Variants in ZNF76 observed in about 807,000 individuals in gnomAD.
The protein encoded by ZNF76 is zinc finger protein 523.
Under a neutral mutation model 66.9 loss-of-function variants are expected in ZNF76, and 66 were observed. The observed-to-expected ratio is 0.99, with a 90% CI of 0.81 to 1.21. ZNF76 has a LOEUF of 1.21. Among genes scored for constraint, ZNF76 ranks in the 50% most tolerant of loss-of-function variants. The pLI is 0.00. For missense variants in ZNF76, 729 were observed against 760.3 expected (o/e 0.96, Z 0.48); for synonymous variants, 275 against 296.1 (o/e 0.93, Z 0.73).
In ZNF76 at chr6:35,291,342, G is replaced by A. The variant is rs1345425915; in HGVS notation, c.690G>A (p.Glu230=). ...AGAAACCATACAAGTGCCCAGAGGA[G>A]CTGTGCAGCAAGGCCTTCAAGACCT... The part of the protein sequence containing the change: ...TGEKPYKCPE[E]LCSKAFKTSG... The change falls in exon 8 of 14, where the codon GAG becomes GAA. Residue 230 remains glutamate (E), a synonymous_variant. Transcript: ENST00000373953. The A allele has an allele frequency of 6.2e-7, 1 of 1,614,018 alleles. No individual in the cohort carries two copies.
rs1002528146 is a variant in ZNF76, at chr6:35,295,449, G to T, written c.*201G>T. The T allele has an allele frequency of 2.3e-5, 14 of 620,136 alleles. No individual in the cohort carries two copies. The highest frequency in any genetic ancestry group is 2.2e-4 in the African/African-American group (12 of 55,454). The allele number at this position is 620,136 out of a possible 1,614,324, so 38.4% of individuals were successfully genotyped here. A position where few individuals can be genotyped will look rare whatever the true frequency, so the allele number is the denominator to read the frequency against. ...GGGGGCCAGGCAGCTGGAATCAGGG[G>T]AGTGCATCATCCTCGGGAGCTGACA... is the stretch of plus-strand genomic sequence containing the variant. On this transcript the variant is annotated 3_prime_UTR_variant, in exon 14 of 14. Coordinates refer to ENST00000373953, the MANE Select transcript of ZNF76 (RefSeq NM_003427.5).
chr6:35,277,284 C>A (rs1788057464), intron 1 of ZNF76, among the ~76,000 whole-genome samples: 1 of 152,128 alleles, frequency 6.6e-6, no homozygotes, highest in South Asian at 2.1e-4. Context: ...GGGCTCTGGG[C>A]AAGGATGCTA....
At chr6:35,281,279 G>A in intron 2 of ZNF76, 55 bp downstream of exon 2, 1 of 1,558,848 alleles carries the variant, frequency 6.4e-7, no homozygotes, top group Non-Finnish European at 8.8e-7. Context: ...CTCTGGAAAG[G>A]AGTGTCCATT....
rs1167913283 is a variant in ZNF76 at position 35,259,771 on chromosome 6, T to G, written c.-167T>G. ...GGCGGGCTATGGCGCAGGCGGGTTG[T>G]GGGGCCGGCGCTGGTGGCGGGGCCC... On this transcript the variant is annotated 5_prime_UTR_variant, in exon 1 of 14. Coordinates refer to ENST00000373953, the MANE Select transcript of ZNF76 (RefSeq NM_003427.5). The G allele has an allele frequency of 1.3e-5, 2 of 152,406 alleles. No individual in the cohort carries two copies. The highest frequency in any genetic ancestry group is 2.9e-5 in the Non-Finnish European group (2 of 68,316). 9.4% of individuals were successfully genotyped at this position (152,406 alleles called of 1,614,324 possible).
chr6:35,278,017 C>T (rs1034255204), intron 1 of ZNF76, among the ~76,000 whole-genome samples: 2 of 151,940 alleles, frequency 1.3e-5, no homozygotes, highest in South Asian at 2.1e-4. Context: ...CCTCCACGCC[C>T]GGCTAATTTT....
chr6:35,267,749 A>G (rs999086409), intron 1 of ZNF76, among the ~76,000 whole-genome samples: 2 of 152,200 alleles, frequency 1.3e-5, no homozygotes, highest in Non-Finnish European at 2.9e-5. Context: ...AGCCAGGGAA[A>G]GCTTGTTCCT....
At position 35,292,668 on chromosome 6, in the gene ZNF76, C is replaced by T. The variant is rs1205924067; in HGVS notation, c.1046C>T (p.Thr349Ile). ...CACTGCAAGCCCTACACCTGCAGCA[C>T]CTGCGGCAAGACCTACCGGCAGACC... Reference protein sequence around the residue: ...HTHCKPYTCSTCGKTYRQTST... With the variant: ...HTHCKPYTCSICGKTYRQTST... The change falls in exon 10 of 14, where the codon ACC becomes ATC. Residue 349 changes from threonine (T) to isoleucine (I), a missense_variant. By Grantham distance (89) the Thr-to-Ile change is moderately conservative. Coordinates refer to ENST00000373953, the MANE Select transcript of ZNF76 (RefSeq NM_003427.5). The surrounding 1 kb of genome is among the most constrained non-coding windows in gnomAD (Gnocchi z 4.7). 3 of 1,614,060 alleles carry T rather than the reference C, an allele frequency of 1.9e-6. No homozygotes were observed. Among genetic ancestry groups the T allele is most frequent in the African/African-American group, 2.7e-5 (2 of 74,926 alleles).
chr6:35,293,499 C>T lies in ZNF76; in HGVS notation c.1330-252C>T, dbSNP rs537603478. Among the ~76,000 whole-genome samples the T allele has an allele frequency of 2.0e-5, 3 of 152,232 alleles. No individual in the cohort carries two copies. The East Asian group carries it at 5.8e-4, about 29-fold the overall frequency. On this transcript the variant is annotated intron_variant, in intron 11 of 13. Transcript: ENST00000373953. ...GAGTTGTTAGGACACAATCAGGTGG[C>T]GACCCTGAGCTGGATACAACAGGGC...
At chr6:35,268,449 C>T (rs541392269) in intron 1 of ZNF76, among the ~76,000 whole-genome samples, 28 of 152,104 alleles carry the variant, frequency 1.8e-4, no homozygotes, top group Admixed American at 3.3e-4. Flanking sequence ...ACATCTACCA[C>T]GTAATGGAAT....
At chr6:35,259,552 C>T (rs556213983), upstream of ZNF76, 3 of 152,366 alleles carry the variant, frequency 2.0e-5, no homozygotes, top group South Asian at 2.1e-4. Context: ...GGTTCAGATC[C>T]CGGCCGCCTG....
intron 12 of ZNF76, 141 bp downstream of exon 12, chr6:35,294,056 C>G (rs949510523): frequency 5.0e-6 from 5 of 1,005,642 alleles, no homozygotes; most frequent in Non-Finnish European, 5.7e-6. Flanking sequence ...CCCCACAGTT[C>G]CTGGGCCATG....
intron 6 of ZNF76, 21 bp from the exon 7 acceptor site, chr6:35,290,620 T>C (rs752491477): frequency 2.5e-6 from 4 of 1,613,968 alleles, no homozygotes; most frequent in East Asian, 2.2e-5. Context: ...CTCTGAATTA[T>C]GTGATTGCTT....
intron 1 of ZNF76, among the ~76,000 whole-genome samples, chr6:35,264,226 C>G (rs1313578046): frequency 1.3e-5 from 2 of 152,248 alleles, no homozygotes; most frequent in Admixed American, 6.5e-5. Context: ...GTTCTCCAAA[C>G]ATGATAATGG....
upstream of ZNF76, chr6:35,259,648 A>G (rs966485608): frequency 1.3e-5 from 2 of 151,400 alleles, no homozygotes; most frequent in African/African-American, 2.5e-5. Context: ...GGTATTTTCT[A>G]TACGGGTTCC....
chr6:35,281,974 A>G (rs1355741173), intron 2 of ZNF76, among the ~76,000 whole-genome samples: 1 of 151,642 alleles, frequency 6.6e-6, no homozygotes, highest in Admixed American at 6.6e-5. Flanking sequence ...TTCCTGATTC[A>G]GAGAGGAACA....
At chr6:35,290,509 A>G in intron 6 of ZNF76, 127 bp downstream of exon 6, 1 of 1,521,806 alleles carries the variant, frequency 6.6e-7, no homozygotes, top group Non-Finnish European at 9.0e-7. Flanking sequence ...GAGGGTACAC[A>G]GGAATGCCAG....
Position 35,295,595 on chromosome 6 carries a change from A to T in ZNF76, c.*347A>T, listed in dbSNP as rs558271722. On this transcript the variant is annotated 3_prime_UTR_variant, in exon 14 of 14. Transcript: ENST00000373953. ...TTCTCAGGTAGAGATTGGGGCTGCTATGGGGACTGGCCCTGTAGGGTTGAG... is the reference window on the plus strand; with the variant it reads ...TTCTCAGGTAGAGATTGGGGCTGCTTTGGGGACTGGCCCTGTAGGGTTGAG... 1 of 357,674 alleles carries T rather than the reference A, an allele frequency of 2.8e-6. No homozygotes were observed. Among genetic ancestry groups the T allele is most frequent in the South Asian group, 2.2e-5 (1 of 46,066 alleles). The allele number at this position is 357,674 out of a possible 1,614,324, so 22.2% of individuals were successfully genotyped here. A position where few individuals can be genotyped will look rare whatever the true frequency, so the allele number is the denominator to read the frequency against.
chr6:35,272,528 T>C lies in ZNF76; in HGVS notation c.-96-8528T>C, dbSNP rs144798401. ...GTGTGTGTGTATGTATATGCACATA[T>C]ATATATCCAAGAGGTAGTTGGACTT... On this transcript the variant is annotated intron_variant, in intron 1 of 13. Transcript: ENST00000373953. Among the ~76,000 whole-genome samples, 420 of 151,974 alleles carry C rather than the reference T, an allele frequency of 2.8e-3. 3 individuals are homozygous for C. Among genetic ancestry groups the C allele is most frequent in the African/African-American group, 9.2e-3 (383 of 41,438 alleles).
At position 35,291,794 on chromosome 6, in the gene ZNF76, A is replaced by T. The variant is rs761226626; in HGVS notation, c.931+57A>T. 2.5e-6 allele frequency: 4 copies of T among 1,581,926 alleles called. No homozygotes were observed. In the South Asian group the frequency reaches 4.5e-5, roughly 18 times the overall value. On this transcript the variant is annotated intron_variant, in intron 9 of 13. Transcript: ENST00000373953. ...ACTCAGGCCCCAACCCCTCTACTGTAGGCTTCCCATCTAAGACACATTCCC... is the reference window on the plus strand; with the variant it reads ...ACTCAGGCCCCAACCCCTCTACTGTTGGCTTCCCATCTAAGACACATTCCC...
Sources: allele counts gnomAD v4.1 joint callset (sites outside exome capture counted in the v4.1 genomes callset), GRCh38; gene constraint gnomAD v4.1.1; non-coding constraint Gnocchi (gnomAD v3.1); transcripts MANE v1.5; gene names NCBI Gene and HGNC (gene_info 2026-07-23, HGNC 2026-07-21).